The following CEP89 variants were observed in gnomAD, a reference collection of about 807,000 sequenced individuals.
The protein encoded by CEP89 is centrosomal protein 89.
A neutral mutation model predicts 97.6 loss-of-function variants in CEP89; 95 were observed. That is an observed-to-expected ratio of 0.97 (90% CI 0.82 to 1.15). The LOEUF is 1.15. Ranked by LOEUF, CEP89 falls within the 50% of genes most tolerant of loss-of-function variation. CEP89 has a pLI of 0.00. For synonymous variants in CEP89, 354 were observed against 349.1 expected (o/e 1.01, Z -0.16); for missense variants, 869 against 947.7 (o/e 0.92, Z 1.09).
At position 32,927,234 on chromosome 19, in the gene CEP89, G is replaced by A. The variant is rs573821885; in HGVS notation, c.1030-250C>T. Among the ~76,000 whole-genome samples, 3 of 152,028 alleles carry A rather than the reference G, an allele frequency of 2.0e-5. No homozygotes were observed. In the East Asian group the frequency reaches 5.8e-4, roughly 29 times the overall value. ...CATCTATCTATCTATATGTATATAT[G>A]TATATATGAGAGAAATATTTTTTCT... On this transcript the variant is annotated intron_variant, in intron 9 of 18. Transcript: ENST00000305768.
At chr19:32,971,220 C>A in intron 1 of CEP89, 1 of 319,184 alleles carries the variant, frequency 3.1e-6, no homozygotes, top group East Asian at 4.9e-5. Context: ...TCGGATGGGA[C>A]TTGCTGATGG....
At chr19:32,887,109 T>C (rs1177070188) in intron 17 of CEP89, among the ~76,000 whole-genome samples, 1 of 151,522 alleles carries the variant, frequency 6.6e-6, no homozygotes, top group African/African-American at 2.4e-5. Context: ...GAGGATCCAC[T>C]GAGCCCGGGA....
intron 5 of CEP89, among the ~76,000 whole-genome samples, chr19:32,944,152 A>G (rs1485351687): frequency 6.9e-6 from 1 of 145,054 alleles, no homozygotes; most frequent in Non-Finnish European, 1.5e-5. Context: ...AACTGAACCC[A>G]GGTTGAGGTT....
intron 1 of CEP89, chr19:32,970,133 A>G (rs567274744): frequency 6.6e-6 from 1 of 152,252 alleles, no homozygotes; most frequent in Admixed American, 6.5e-5. Flanking sequence ...AGGCCTTGGT[A>G]TTTGCTGTCT....
In CEP89 at chr19:32,903,635, G is replaced by C. The variant is rs1969829163; in HGVS notation, c.1566-2223C>G. Among the ~76,000 whole-genome samples, 5 of 152,176 alleles carry C rather than the reference G, an allele frequency of 3.3e-5. No homozygotes were observed. The South Asian group carries it at 1.0e-3, about 32-fold the overall frequency. On this transcript the variant is annotated intron_variant, in intron 14 of 18. Coordinates refer to ENST00000305768, the MANE Select transcript of CEP89 (RefSeq NM_032816.5). ...GATTAGATTGTAGAAGGATAGATTT[G>C]TGAAGTTGAAGAGAGATAGTAATAG...
chr19:32,931,625 G>C, intron 8 of CEP89, 54 bp from the exon 9 acceptor site: 1 of 1,409,816 alleles, frequency 7.1e-7, no homozygotes. Flanking sequence ...AATTTATCCA[G>C]ATTTTATTAA....
At chr19:32,883,043 T>A (rs1037536329) in intron 17 of CEP89, among the ~76,000 whole-genome samples, 7 of 151,912 alleles carry the variant, frequency 4.6e-5, no homozygotes, top group African/African-American at 1.5e-4. Flanking sequence ...GTATTTTTTT[T>A]AATAGAGATG....
chr19:32,920,152 C>A (rs12983301), intron 12 of CEP89, among the ~76,000 whole-genome samples: 1 of 152,038 alleles, frequency 6.6e-6, no homozygotes, highest in African/African-American at 2.4e-5. Flanking sequence ...ATCCTCCTGC[C>A]TCAGCCTTCT....
In CEP89 at chr19:32,878,376, G is replaced by GT. The variant is rs142296375; in HGVS notation, c.*785dup. On this transcript the variant is annotated 3_prime_UTR_variant, in exon 19 of 19. Coordinates refer to ENST00000305768, the MANE Select transcript of CEP89 (RefSeq NM_032816.5). ...AGGGCATGAACAGCAGCAGCACCTT[G>GT]TTTTTTTTGACCAAACAAGAAAAGG... is the stretch of plus-strand genomic sequence containing the variant. The GT allele has an allele frequency of 1.3e-5, 2 of 151,328 alleles. No individual in the cohort carries two copies. Among genetic ancestry groups the GT allele is most frequent in the Non-Finnish European group, 1.5e-5 (1 of 68,102 alleles). The allele number at this position is 151,328 out of a possible 1,614,324, so 9.4% of individuals were successfully genotyped here.
chr19:32,965,755 C>T (rs1442403549), intron 2 of CEP89, among the ~76,000 whole-genome samples: 4 of 150,466 alleles, frequency 2.7e-5, no homozygotes, highest in African/African-American at 9.8e-5. Flanking sequence ...GAGGTTGATG[C>T]CTGTAATCCC....
At chr19:32,912,159 C>T (rs537147133) in intron 14 of CEP89, among the ~76,000 whole-genome samples, 8 of 148,882 alleles carry the variant, frequency 5.4e-5, no homozygotes, top group East Asian at 2.0e-4. Flanking sequence ...GCCAAGATCG[C>T]GCCACTGCAC....
intron 14 of CEP89, among the ~76,000 whole-genome samples, chr19:32,905,256 G>C (rs1346989064): frequency 6.6e-6 from 1 of 152,110 alleles, no homozygotes; most frequent in Non-Finnish European, 1.5e-5. Context: ...TAGAATGTTA[G>C]AATTTAATAG....
chr19:32,966,128 A>G (rs2030235720), intron 2 of CEP89: 2 of 386,052 alleles, frequency 5.2e-6, no homozygotes, highest in South Asian at 1.4e-4. Flanking sequence ...ATTGCATTCA[A>G]TCATGAAATG....
chr19:32,878,962 T>TA lies in CEP89; in HGVS notation c.*199dup, dbSNP rs71336972. 142,404 of 381,622 alleles carry TA rather than the reference T, an allele frequency of 0.37. 12,476 individuals are homozygous for TA. Among genetic ancestry groups the TA allele is most frequent in the Admixed American group, 0.43 (10,161 of 23,456 alleles). The allele number at this position is 381,622 out of a possible 1,614,324, so 23.6% of individuals were successfully genotyped here. A position where few individuals can be genotyped will look rare whatever the true frequency, so the allele number is the denominator to read the frequency against. On this transcript the variant is annotated 3_prime_UTR_variant, in exon 19 of 19. Coordinates refer to ENST00000305768, the MANE Select transcript of CEP89 (RefSeq NM_032816.5). ...GGGCAACAGAGTGAGACCCTAGCTC[T>TA]AAAAAAAAAAAAAAATTAAAAAATA...
intron 16 of CEP89, among the ~76,000 whole-genome samples, chr19:32,890,389 G>A (rs891413764): frequency 1.1e-4 from 16 of 151,528 alleles, no homozygotes; most frequent in African/African-American, 3.9e-4. Flanking sequence ...GACACAGCGA[G>A]ACTCCATCTC....
intron 9 of CEP89, among the ~76,000 whole-genome samples, chr19:32,928,617 C>T (rs1970410211): frequency 6.6e-6 from 1 of 152,162 alleles, no homozygotes; most frequent in African/African-American, 2.4e-5. Context: ...CCATGCAGCT[C>T]ACAGCTCCCT....
At chr19:32,914,568 A>T (rs1236108143) in intron 14 of CEP89, among the ~76,000 whole-genome samples, 2 of 151,958 alleles carry the variant, frequency 1.3e-5, no homozygotes, top group Non-Finnish European at 2.9e-5. Flanking sequence ...CACTACCCCC[A>T]GCCCAGTTCC....
rs1232933371 is a variant in CEP89, at chr19:32,926,212, T to C, written c.1142A>G (p.Asp381Gly). The change falls in exon 11 of 19, where the codon GAC becomes GGC. Residue 381 changes from aspartate to glycine, a missense_variant. Asp to Gly is a moderately conservative substitution (Grantham distance 94, BLOSUM62 -1). Coordinates refer to ENST00000305768, the MANE Select transcript of CEP89 (RefSeq NM_032816.5). ...TACCTTGAGGGTGGCATTGAGCTCG[T>C]CCTTCTCTTTCATCATATCTTCATA... ...LAYEDMMKEK[D>G]ELNATLKEEM... The C allele has an allele frequency of 3.1e-6, 5 of 1,613,674 alleles. No individual in the cohort carries two copies. The highest frequency in any genetic ancestry group is 4.2e-6 in the Non-Finnish European group (5 of 1,179,634).
rs149799439 is a variant in CEP89 at position 32,958,121 on chromosome 19, G to A, written c.305+1779C>T. 7.8e-3 allele frequency among the ~76,000 whole-genome samples: 1,166 copies of A among 148,864 alleles called. 5 individuals are homozygous for A. The highest frequency in any genetic ancestry group is 0.013 in the Non-Finnish European group (864 of 67,574). On this transcript the variant is annotated intron_variant, in intron 3 of 18. Transcript: ENST00000305768. ...TGCTTATTTTTTCCACTGAATTTTA[G>A]AACGATTTACTCGTTTTTAGTTTTT...
Sources: gnomAD v4.1 joint callset for allele counts (sites outside exome capture counted in the v4.1 genomes callset) on GRCh38, gnomAD v4.1.1 for gene constraint, MANE v1.5 for transcripts, NCBI Gene and HGNC (gene_info 2026-07-23, HGNC 2026-07-21) for gene names.